MYO5B: variants seen among roughly 807,000 people sequenced by gnomAD.
MYO5B encodes the protein myosin VB.
MYO5B carries 143 observed loss-of-function variants against 229.3 expected under a neutral mutation model. The observed-to-expected ratio is 0.62, with a 90% CI of 0.54 to 0.72. The LOEUF (loss-of-function observed/expected upper bound fraction) is 0.72, where lower values mean the gene tolerates loss of function less well. Ranked by LOEUF, MYO5B falls within the 30% of genes least tolerant of loss-of-function variation. MYO5B has a pLI of 0.00. For missense variants in MYO5B, 2,321 were observed against 2,331.0 expected, an observed-to-expected ratio of 1.00 and a Z score of 0.09; for synonymous variants, 918 against 885.2, an observed-to-expected ratio of 1.04 and a Z score of -0.66.
intron 21 of MYO5B, among the ~76,000 whole-genome samples, chr18:49,897,178 G>C (rs2024788088): frequency 1.3e-5 from 2 of 152,140 alleles, no homozygotes; most frequent in Non-Finnish European, 2.9e-5. Flanking sequence ...TCTGACTTCA[G>C]AAGGACAGGC....
Position 50,001,295 on chromosome 18 carries a change from T to C in MYO5B, c.572A>G (p.Asn191Ser), listed in dbSNP as rs977113309. The C allele has an allele frequency of 2.5e-6, 4 of 1,614,206 alleles. No homozygotes were observed. Among genetic ancestry groups the C allele is most frequent in the South Asian group, 1.1e-5 (1 of 91,084 alleles). The change falls in exon 5 of 40, where the codon AAC becomes AGC. Residue 191 changes from asparagine to serine, a missense_variant. Asn to Ser is a conservative substitution (Grantham distance 46). Transcript: ENST00000285039. ...GGATGCCAGCACCTTCTCTTCGATG[T>C]TGGTTTCACTGGCCGAGCCACCAAC... ...ATVGGSASET[N>S]IEEKVLASSP... is the part of the protein sequence containing the mutation.
At chr18:49,864,989 A>C (rs544171313) in intron 27 of MYO5B, among the ~76,000 whole-genome samples, 1 of 152,318 alleles carries the variant, frequency 6.6e-6, no homozygotes, top group Admixed American at 6.5e-5. Flanking sequence ...ATAGGAACTC[A>C]ACTTTGGAAC....
chr18:50,099,128 A>T (rs2031608313), intron 1 of MYO5B: 1 of 152,252 alleles, frequency 6.6e-6, no homozygotes, highest in African/African-American at 2.4e-5. Context: ...TTCAATCCGC[A>T]TCCAAGCTTG....
intron 22 of MYO5B, among the ~76,000 whole-genome samples, chr18:49,891,938 C>A (rs982022577): frequency 6.6e-6 from 1 of 152,266 alleles, no homozygotes. Flanking sequence ...CCAGGGACCC[C>A]CTCTGAGAGC....
At chr18:50,041,858 C>T (rs58478862) in intron 2 of MYO5B, among the ~76,000 whole-genome samples, 14 of 151,890 alleles carry the variant, frequency 9.2e-5, no homozygotes, top group Non-Finnish European at 7.4e-5. Context: ...AAGGAGACAG[C>T]GATTCTTCAT....
chr18:50,061,170 G>A (rs760528699), intron 1 of MYO5B, among the ~76,000 whole-genome samples: 11 of 152,182 alleles, frequency 7.2e-5, no homozygotes, highest in Non-Finnish European at 4.4e-5. Flanking sequence ...TCAAGTGTGC[G>A]GGCTCTAGAG....
intron 20 of MYO5B, among the ~76,000 whole-genome samples, chr18:49,903,524 C>T (rs1027689011): frequency 9.2e-5 from 14 of 152,172 alleles, no homozygotes; most frequent in South Asian, 4.1e-4. Flanking sequence ...AGCACACCAA[C>T]GCCACCCATC....
rs187153618 is a variant in MYO5B at position 49,954,269 on chromosome 18, A to C, written c.1668+44T>G. 6,896 of 1,611,694 alleles carry C rather than the reference A, an allele frequency of 4.3e-3. 34 individuals are homozygous for C. Among genetic ancestry groups the C allele is most frequent in the Non-Finnish European group, 4.5e-3 (5,272 of 1,178,196 alleles). On this transcript the variant is annotated intron_variant, in intron 13 of 39. Coordinates refer to ENST00000285039, the MANE Select transcript of MYO5B (RefSeq NM_001080467.3). ...TCTAGAGCCCATTGAGTCTACTTAG[A>C]GAGGGGCCAAGGGAATACCCGAGCC...
At chr18:50,001,910 C>T (rs1598943980) in intron 4 of MYO5B, among the ~76,000 whole-genome samples, 1 of 152,036 alleles carries the variant, frequency 6.6e-6, no homozygotes, top group East Asian at 1.9e-4. Flanking sequence ...GTGGCACACG[C>T]CTGTAGTCCC....
intron 8 of MYO5B, among the ~76,000 whole-genome samples, 183 bp downstream of exon 8, chr18:49,984,535 A>C (rs901548676): frequency 1.3e-5 from 2 of 152,132 alleles, no homozygotes; most frequent in Non-Finnish European, 2.9e-5. Context: ...TCCAAATTTT[A>C]AGTTCTAGAG....
At chr18:50,183,408 A>T (rs1420349845) in intron 1 of MYO5B, among the ~76,000 whole-genome samples, 1 of 149,792 alleles carries the variant, frequency 6.7e-6, no homozygotes, top group Non-Finnish European at 1.5e-5. Flanking sequence ...ATTCCTCTCT[A>T]AAGCACATTA....
chr18:50,131,980 C>G (rs77712362), intron 1 of MYO5B, among the ~76,000 whole-genome samples: 6,627 of 152,270 alleles, frequency 0.044, 168 homozygotes, highest in Non-Finnish European at 0.061. Context: ...CTGCAGTTTT[C>G]CCCCATTGGC....
At chr18:50,176,036 C>T (rs1377342511) in intron 1 of MYO5B, among the ~76,000 whole-genome samples, 12 of 152,246 alleles carry the variant, frequency 7.9e-5, no homozygotes, top group Non-Finnish European at 1.8e-4. Flanking sequence ...GATCCCCAAG[C>T]CATTCCTCAC....
chr18:49,965,825 T>A (rs1177838020), intron 10 of MYO5B, among the ~76,000 whole-genome samples: 1 of 152,008 alleles, frequency 6.6e-6, no homozygotes, highest in African/African-American at 2.4e-5. Flanking sequence ...ATATGGAGGA[T>A]GATGTCCTAG....
intron 1 of MYO5B, among the ~76,000 whole-genome samples, chr18:50,062,676 G>A (rs931855413): frequency 8.5e-5 from 13 of 152,210 alleles, no homozygotes; most frequent in African/African-American, 3.1e-4. Context: ...ACCGCTGTCT[G>A]AAGGAGTGTT....
chr18:49,906,423 G>T lies in MYO5B; in HGVS notation c.2410C>A (p.Arg804Ser), dbSNP rs377458597. The T allele has an allele frequency of 6.2e-7, 1 of 1,613,736 alleles. No homozygotes were observed. Among genetic ancestry groups the T allele is most frequent in the African/African-American group, 1.3e-5 (1 of 74,884 alleles). ...AGCTGCCACAGTCTGGCTCACCTGC[G>T]GGCCAGGTGTCCCCGGCAGTACCTC... ...LQRYCRGHLA[R>S]RLAEHLRRIR... Residue 804 changes from arginine to serine, a missense_variant, in exon 19 of 40, where the codon CGC becomes AGC. Transcript: ENST00000285039.
At chr18:49,866,615 T>C (rs1444144902) in intron 27 of MYO5B, among the ~76,000 whole-genome samples, 1 of 152,200 alleles carries the variant, frequency 6.6e-6, no homozygotes, top group Non-Finnish European at 1.5e-5. Context: ...GAAAGACATA[T>C]TTTTGTGCAC....
Position 49,904,694 on chromosome 18 carries a change from A to G in MYO5B, c.2549T>C (p.Phe850Ser), listed in dbSNP as rs774586048. 8 of 1,613,886 alleles carry G rather than the reference A, an allele frequency of 5.0e-6. No homozygotes were observed. The highest frequency in any genetic ancestry group is 5.9e-6 in the Non-Finnish European group (7 of 1,180,050). ...VVIQAFTRAMFVRRTYRQVLM... is the reference protein window; with the variant it reads ...VVIQAFTRAMSVRRTYRQVLM... ...CACCTGGCGGTAGGTTCTCCGCACAAACATGGCCCGGGTGAAGGCCTGGAT... is the reference window on the plus strand; with the variant it reads ...CACCTGGCGGTAGGTTCTCCGCACAGACATGGCCCGGGTGAAGGCCTGGAT... Residue 850 changes from phenylalanine to serine, a missense_variant, in exon 20 of 40, where the codon TTT becomes TCT. Around this residue, in one of 2 missense-constraint regions of MYO5B, gnomAD observed 2,113 missense variants for 2,044.7 expected, o/e 1.03. Transcript: ENST00000285039.
At chr18:49,970,981 G>GA (rs1226766528) in intron 10 of MYO5B, 3 of 152,260 alleles carry the variant, frequency 2.0e-5, no homozygotes, top group Middle Eastern at 3.2e-3. Context: ...GGAGAAGTGA[G>GA]AAAATCAAAG....
Sources: gnomAD v4.1 joint callset for allele counts (sites outside exome capture counted in the v4.1 genomes callset) on GRCh38, gnomAD v4.1.1 for gene constraint, gnomAD v4.1.1 regional missense constraint, MANE v1.5 for transcripts, NCBI Gene and HGNC (gene_info 2026-07-23, HGNC 2026-07-21) for gene names.